Variants in NAALADL2 observed in about 807,000 individuals in gnomAD.
The protein encoded by NAALADL2 is inactive N-acetylated-alpha-linked acidic dipeptidase-like protein 2.
Under a neutral mutation model 87.2 loss-of-function variants are expected in NAALADL2, and 76 were observed. The ratio of observed to expected loss-of-function variants is 0.87; its 90% confidence interval spans 0.72 to 1.05. The LOEUF is 1.05. Among genes scored for constraint, NAALADL2 ranks in the 50% least tolerant of loss-of-function variants. The pLI is 0.00. For synonymous variants in NAALADL2, 354 were observed against 331.0 expected (o/e 1.07, Z -0.75); for missense variants, 1,089 against 945.8 (o/e 1.15, Z -1.99).
intron 11 of NAALADL2, among the ~76,000 whole-genome samples, chr3:175,703,756 A>T (rs1739302244): frequency 6.6e-6 from 1 of 152,154 alleles, no homozygotes; most frequent in African/African-American, 2.4e-5. Flanking sequence ...AAAATAAATA[A>T]ATAAATAAAC....
intron 10 of NAALADL2, among the ~76,000 whole-genome samples, chr3:175,592,992 T>G (rs1001777385): frequency 2.6e-5 from 4 of 152,158 alleles, no homozygotes; most frequent in African/African-American, 9.7e-5. Context: ...TGAACAATTC[T>G]TTTTTAAAAA....
intron 2 of NAALADL2, among the ~76,000 whole-genome samples, chr3:175,187,266 A>G (rs1000123922): frequency 1.3e-5 from 2 of 152,198 alleles, no homozygotes; most frequent in Non-Finnish European, 2.9e-5. Context: ...AGTAGCAGAA[A>G]GGGAATAATC....
At chr3:175,776,788 G>A (rs1188980610) in intron 13 of NAALADL2, among the ~76,000 whole-genome samples, 1 of 152,096 alleles carries the variant, frequency 6.6e-6, no homozygotes, top group African/African-American at 2.4e-5. Flanking sequence ...GAAGGGAATA[G>A]AGTCGGAGTT....
intron 2 of NAALADL2, among the ~76,000 whole-genome samples, chr3:175,128,587 C>G (rs983708652): frequency 1.3e-5 from 2 of 152,026 alleles, no homozygotes; most frequent in Non-Finnish European, 2.9e-5. Context: ...TGTTTCAGTT[C>G]ATTTGAAAAT....
intron 1 of NAALADL2, among the ~76,000 whole-genome samples, chr3:174,889,852 C>G (rs534433223): frequency 1.3e-5 from 2 of 152,210 alleles, no homozygotes; most frequent in African/African-American, 4.8e-5. Flanking sequence ...AACAGACAGT[C>G]TTCTTAATGC....
chr3:175,610,517 A>T (rs1445176911), intron 10 of NAALADL2, among the ~76,000 whole-genome samples: 1 of 152,106 alleles, frequency 6.6e-6, no homozygotes, highest in African/African-American at 2.4e-5. Context: ...AAGCCATTGT[A>T]TTCTAGTTTT....
chr3:174,757,394 C>G (rs1712247106), intron 3 of NAALADL2, among the ~76,000 whole-genome samples: 4 of 152,024 alleles, frequency 2.6e-5, no homozygotes, highest in Admixed American at 2.0e-4. Context: ...GATGCTCAGC[C>G]AGAGACTTGA....
intron 5 of NAALADL2, among the ~76,000 whole-genome samples, chr3:175,375,454 T>C (rs1408958754): frequency 6.6e-6 from 1 of 152,178 alleles, no homozygotes; most frequent in Non-Finnish European, 1.5e-5. Context: ...AGGTATTCTT[T>C]AATTTGTTTT....
chr3:175,619,148 C>T (rs1273441925), intron 10 of NAALADL2, among the ~76,000 whole-genome samples: 5 of 151,962 alleles, frequency 3.3e-5, no homozygotes, highest in African/African-American at 9.7e-5. Context: ...TCCTCCATTG[C>T]TTCCCTATCA....
chr3:175,021,695 G>T (rs1751580780), intron 1 of NAALADL2, among the ~76,000 whole-genome samples: 1 of 152,072 alleles, frequency 6.6e-6, no homozygotes, highest in Admixed American at 6.6e-5. Flanking sequence ...CTTTTTGCTT[G>T]TTGTATTGCT....
At chr3:175,056,841 C>T (rs368374682) in intron 1 of NAALADL2, among the ~76,000 whole-genome samples, 14 of 152,288 alleles carry the variant, frequency 9.2e-5, no homozygotes, top group South Asian at 8.3e-4. Flanking sequence ...TAAGAAAACC[C>T]GTAAGCAGTT....
At position 175,628,617 on chromosome 3, in the gene NAALADL2, G is replaced by GTATA. The variant is rs34276529; in HGVS notation, c.1896+1247_1896+1250dup. Among the ~76,000 whole-genome samples the GTATA allele has an allele frequency of 6.9e-3, 964 of 139,184 alleles. 4 individuals are homozygous for GTATA. The highest frequency in any genetic ancestry group is 0.01 in the African/African-American group (386 of 38,374). 91.3% of individuals were successfully genotyped at this position (139,184 alleles called of 152,430 possible). On this transcript the variant is annotated intron_variant, in intron 11 of 13. Coordinates refer to ENST00000454872, the MANE Select transcript of NAALADL2 (RefSeq NM_207015.3). ...CCATTAAAATAATCTCTCTCTCTAT[G>GTATA]TATATATATATATATATATGAATTA...
chr3:174,511,362 A>C (rs1719591123), intron 1 of NAALADL2, among the ~76,000 whole-genome samples: 1 of 151,996 alleles, frequency 6.6e-6, no homozygotes, highest in Non-Finnish European at 1.5e-5. Context: ...ATGAACTTTT[A>C]GGACTATTAT....
intron 1 of NAALADL2, among the ~76,000 whole-genome samples, chr3:174,536,995 T>C (rs1336645808): frequency 6.6e-6 from 1 of 152,180 alleles, no homozygotes; most frequent in Admixed American, 6.5e-5. Flanking sequence ...TTGAAAGAAC[T>C]GAACAAGTGT....
In NAALADL2 at chr3:174,825,299, C is replaced by CT. The variant is rs1384648751; in HGVS notation, c.-9+87554dup. Among the ~76,000 whole-genome samples the CT allele has an allele frequency of 1.0e-4, 13 of 126,626 alleles. No homozygotes were observed. In the East Asian group the frequency reaches 2.5e-3, roughly 25 times the overall value. The allele number at this position is 126,626 out of a possible 152,430, so 83.1% of individuals were successfully genotyped here. A position where few individuals can be genotyped will look rare whatever the true frequency, so the allele number is the denominator to read the frequency against. On this transcript the variant is annotated intron_variant, in intron 3 of 3. Transcript: ENST00000434257. ...CATAGAGTAATTCCCAGTCCAAGGC[C>CT]TAAGGCCTGATAACTTGGGGGAAGT... is the stretch of plus-strand genomic sequence containing the variant.
intron 11 of NAALADL2, among the ~76,000 whole-genome samples, chr3:175,638,207 A>G (rs191239895): frequency 6.6e-4 from 100 of 152,370 alleles, no homozygotes; most frequent in Middle Eastern, 3.4e-3. Flanking sequence ...ATCAGTTTAT[A>G]TGCCGTAGAG....
intron 1 of NAALADL2, among the ~76,000 whole-genome samples, chr3:174,450,020 T>TACACACAC (rs35861742): frequency 4.2e-4 from 63 of 148,886 alleles, no homozygotes; most frequent in African/African-American, 1.2e-3. Context: ...AACACATACA[T>TACACACAC]ACACACACAC....
intron 2 of NAALADL2, among the ~76,000 whole-genome samples, chr3:175,165,919 C>A (rs919477711): frequency 6.6e-6 from 1 of 151,982 alleles, no homozygotes; most frequent in Non-Finnish European, 1.5e-5. Context: ...TGATATCTTT[C>A]TGTTTACTCT....
At chr3:175,259,279 C>G (rs1228891729) in intron 4 of NAALADL2, among the ~76,000 whole-genome samples, 1 of 152,096 alleles carries the variant, frequency 6.6e-6, no homozygotes, top group Non-Finnish European at 1.5e-5. Context: ...CACCCCTTTC[C>G]CCAAAAGCAG....
Sources: allele counts gnomAD v4.1 joint callset (sites outside exome capture counted in the v4.1 genomes callset), GRCh38; gene constraint gnomAD v4.1.1; transcripts MANE v1.5; gene names NCBI Gene and HGNC (gene_info 2026-07-23, HGNC 2026-07-21).